MMP16: variants seen among roughly 807,000 people sequenced by gnomAD.
MMP16 encodes the protein matrix metalloproteinase-16.
A neutral mutation model predicts 67.8 loss-of-function variants in MMP16; 12 were observed. The ratio of observed to expected loss-of-function variants is 0.18; its 90% CI spans 0.11 to 0.29. MMP16 has a LOEUF of 0.29. Ranked by LOEUF, MMP16 falls within the 10% of genes least tolerant of loss-of-function variation. MMP16 has a pLI of 1.00. For synonymous variants in MMP16, 249 were observed against 255.9 expected (o/e 0.97, Z 0.26); for missense variants, 475 against 765.7 (o/e 0.62, Z 4.48).
At chr8:88,110,266 A>G (rs1377107021) in intron 6 of MMP16, among the ~76,000 whole-genome samples, 1 of 151,494 alleles carries the variant, frequency 6.6e-6, no homozygotes, top group Non-Finnish European at 1.5e-5. Flanking sequence ...ATAACTAAGA[A>G]GCCAGGAAAT....
chr8:88,243,952 G>C (rs1357258804), intron 1 of MMP16, among the ~76,000 whole-genome samples: 3 of 151,938 alleles, frequency 2.0e-5, no homozygotes, highest in African/African-American at 4.8e-5. Flanking sequence ...AAAAGAAAAA[G>C]ACAGCTGTAA....
chr8:88,055,893 GA>G (rs28991902), intron 8 of MMP16, among the ~76,000 whole-genome samples: 4 of 151,252 alleles, frequency 2.6e-5, no homozygotes, highest in East Asian at 3.9e-4. Context: ...ATGGGGAAAT[GA>G]AAAAAAACAT....
At chr8:88,185,515 C>A (rs904356344) in intron 3 of MMP16, among the ~76,000 whole-genome samples, 3 of 151,982 alleles carry the variant, frequency 2.0e-5, no homozygotes, top group Non-Finnish European at 4.4e-5. Flanking sequence ...AAGTAGAAAA[C>A]CAATATATTG....
At chr8:88,113,037 A>C (rs1563535503) in intron 6 of MMP16, among the ~76,000 whole-genome samples, 1 of 151,824 alleles carries the variant, frequency 6.6e-6, no homozygotes, top group Admixed American at 6.6e-5. Flanking sequence ...TAGGCTGACT[A>C]TCATCGTATA....
At chr8:88,091,552 C>G (rs977993113) in intron 6 of MMP16, among the ~76,000 whole-genome samples, 1 of 150,002 alleles carries the variant, frequency 6.7e-6, no homozygotes, top group African/African-American at 2.5e-5. Context: ...AATTCATTTA[C>G]ACACACAAAC....
chr8:88,201,817 G>T (rs140228155), intron 1 of MMP16, among the ~76,000 whole-genome samples: 504 of 152,158 alleles, frequency 3.3e-3, no homozygotes, highest in African/African-American at 0.011. Flanking sequence ...CTATTTTGTG[G>T]TATCATCAGC....
chr8:88,042,021 A>G (rs1247857157), intron 9 of MMP16, among the ~76,000 whole-genome samples: 1 of 152,174 alleles, frequency 6.6e-6, no homozygotes. Flanking sequence ...CAGTCCAGAG[A>G]GAGAAATATC....
intron 1 of MMP16, among the ~76,000 whole-genome samples, chr8:88,304,014 A>C (rs1811174213): frequency 6.6e-6 from 1 of 151,608 alleles, no homozygotes; most frequent in Non-Finnish European, 1.5e-5. Context: ...TAAAGAGGCA[A>C]GTTGTAACCC....
intron 1 of MMP16, among the ~76,000 whole-genome samples, chr8:88,264,903 C>T (rs1242561151): frequency 1.3e-5 from 2 of 152,196 alleles, no homozygotes; most frequent in Non-Finnish European, 2.9e-5. Flanking sequence ...ACTATGCTAA[C>T]GTTTCAGACA....
chr8:88,226,230 C>T (rs1296393856), intron 1 of MMP16, among the ~76,000 whole-genome samples: 4 of 151,876 alleles, frequency 2.6e-5, no homozygotes, highest in African/African-American at 9.7e-5. Context: ...TTTCTTAAAT[C>T]TGTGTTCTCC....
At chr8:88,122,078 C>T (rs1047559862) in intron 4 of MMP16, among the ~76,000 whole-genome samples, 31 of 152,092 alleles carry the variant, frequency 2.0e-4, no homozygotes, top group Non-Finnish European at 3.4e-4. Flanking sequence ...CATCACTACC[C>T]GGAGTTCTGA....
intron 6 of MMP16, 85 bp downstream of exon 6, chr8:88,116,422 T>C (rs1305280154): frequency 8.7e-7 from 1 of 1,149,812 alleles, no homozygotes; most frequent in Non-Finnish European, 1.3e-6. Context: ...GGGAAGGTAG[T>C]GTTAGAATGA....
intron 1 of MMP16, among the ~76,000 whole-genome samples, chr8:88,309,764 CCTG>C (rs1204960261): frequency 6.6e-6 from 1 of 152,052 alleles, no homozygotes; most frequent in African/African-American, 2.4e-5. Flanking sequence ...CTGTTTTTAT[CCTG>C]CCTATCACCA....
intron 1 of MMP16, among the ~76,000 whole-genome samples, chr8:88,204,673 CAG>C (rs1457666237): frequency 3.3e-5 from 5 of 151,874 alleles, no homozygotes; most frequent in Admixed American, 6.6e-5. Flanking sequence ...ATAAGTAAAA[CAG>C]GGTACATTTT....
intron 4 of MMP16, among the ~76,000 whole-genome samples, chr8:88,136,811 A>G (rs1025999471): frequency 1.3e-5 from 2 of 151,688 alleles, no homozygotes; most frequent in African/African-American, 4.8e-5. Flanking sequence ...TAAAAATAGC[A>G]ATGCTATGAA....
At chr8:88,292,678 T>G (rs563751039) in intron 1 of MMP16, among the ~76,000 whole-genome samples, 46 of 152,218 alleles carry the variant, frequency 3.0e-4, no homozygotes, top group African/African-American at 1.1e-3. Flanking sequence ...AATTAAACAG[T>G]TTTTTCACTC....
intron 6 of MMP16, among the ~76,000 whole-genome samples, chr8:88,092,697 ATG>A (rs570928053): frequency 2.6e-4 from 39 of 152,060 alleles, no homozygotes; most frequent in African/African-American, 9.1e-4. Context: ...CAAAGCAGAA[ATG>A]TGCTTTTTTG....
At chr8:88,286,115 T>C (rs1810826841) in intron 1 of MMP16, among the ~76,000 whole-genome samples, 1 of 152,170 alleles carries the variant, frequency 6.6e-6, no homozygotes, top group Non-Finnish European at 1.5e-5. Context: ...GATCAACTGT[T>C]CACCACTCCT....
rs533998816 is a variant in MMP16, at chr8:88,035,139, C to A, written c.*6322G>T. On this transcript the variant is annotated 3_prime_UTR_variant, in exon 10 of 10. Transcript: ENST00000286614. This position sits in a 1 kb window ranked among gnomAD's most constrained non-coding sequence, Gnocchi z 4.7. ...TTTTATTCTTGTTCACCATTCTTTT[C>A]TTCCAGTTTTTCTCTGTGAAATAAA... is the stretch of plus-strand genomic sequence containing the variant. 6.6e-6 allele frequency: 1 copy of A among 152,096 alleles called. No homozygotes were observed. The highest frequency in any genetic ancestry group is 3.4e-3 in the Middle Eastern group (1 of 294). 9.4% of individuals were successfully genotyped at this position (152,096 alleles called of 1,614,324 possible).
Sources: gnomAD v4.1 joint callset for allele counts (sites outside exome capture counted in the v4.1 genomes callset) on GRCh38, gnomAD v4.1.1 for gene constraint, Gnocchi (gnomAD v3.1) non-coding constraint, MANE v1.5 for transcripts, NCBI Gene and HGNC (gene_info 2026-07-23, HGNC 2026-07-21) for gene names.